PHC3: variants seen among roughly 807,000 people sequenced by gnomAD.
PHC3 encodes the protein polyhomeotic homolog 3, also known as polyhomeotic-like protein 3.
Under a neutral mutation model 107.4 loss-of-function variants are expected in PHC3, and 13 were observed. The observed-to-expected ratio is 0.12, with a 90% CI of 0.08 to 0.19. PHC3 has a LOEUF of 0.19. Among genes scored for constraint, PHC3 ranks in the 10% least tolerant of loss-of-function variants. PHC3 has a pLI of 1.00. For synonymous variants in PHC3, 456 were observed against 427.4 expected, an observed-to-expected ratio of 1.07 and a Z score of -0.83; for missense variants, 992 against 1,210.9, an observed-to-expected ratio of 0.82 and a Z score of 2.68.
chr3:170,177,610 G>A (rs550703972), intron 2 of PHC3, among the ~76,000 whole-genome samples: 10 of 150,702 alleles, frequency 6.6e-5, no homozygotes, highest in Non-Finnish European at 1.2e-4. Flanking sequence ...CAAGTGATCC[G>A]CCAGCCTTGG....
chr3:170,123,856 A>C (rs765522117), intron 8 of PHC3, among the ~76,000 whole-genome samples: 1 of 151,506 alleles, frequency 6.6e-6, no homozygotes, highest in Non-Finnish European at 1.5e-5. Context: ...AACTAGAAAT[A>C]CTTTTTTTTT....
In PHC3 at chr3:170,106,160, C is replaced by A. The variant is rs149253695; in HGVS notation, c.2468+672G>T. 6.4e-4 allele frequency among the ~76,000 whole-genome samples: 98 copies of A among 152,094 alleles called. 1 individual carries two copies. In the East Asian group the frequency reaches 0.018, roughly 28 times the overall value. ...CTGGGTGGTGGAGGATGCAGTGAGC[C>A]GAGACGGCACCACTGCACTCCAGCC... On this transcript the variant is annotated intron_variant, in intron 12 of 14. Transcript: ENST00000495893.
intron 4 of PHC3, among the ~76,000 whole-genome samples, chr3:170,159,020 G>C (rs960748638): frequency 6.6e-5 from 10 of 151,830 alleles, no homozygotes; most frequent in African/African-American, 2.2e-4. Context: ...GGGAGGCCAA[G>C]GCGGGCAGAT....
chr3:170,137,872 T>C (rs773815994), intron 6 of PHC3, among the ~76,000 whole-genome samples: 2 of 152,222 alleles, frequency 1.3e-5, no homozygotes, highest in Non-Finnish European at 1.5e-5. Flanking sequence ...CACTCCAGCC[T>C]GGGCAACAGA....
intron 6 of PHC3, among the ~76,000 whole-genome samples, chr3:170,143,308 A>G (rs1724400079): frequency 6.6e-6 from 1 of 152,214 alleles, no homozygotes; most frequent in South Asian, 2.1e-4. Flanking sequence ...TAAAGTTCTC[A>G]TTTTATAAAT....
intron 5 of PHC3, 150 bp from the exon 6 acceptor site, chr3:170,145,671 A>G (rs1018320794): frequency 2.1e-6 from 1 of 474,276 alleles, no homozygotes; most frequent in Non-Finnish European, 3.8e-6. Flanking sequence ...CATGACAAAG[A>G]GAAGTTTCTG....
At chr3:170,124,533 T>A (rs1179212988) in intron 8 of PHC3, among the ~76,000 whole-genome samples, 5 of 152,232 alleles carry the variant, frequency 3.3e-5, no homozygotes, top group Non-Finnish European at 7.4e-5. Flanking sequence ...CAGCTCATTT[T>A]AAAATGTTTT....
intron 7 of PHC3, among the ~76,000 whole-genome samples, chr3:170,132,094 T>C (rs954232395): frequency 2.0e-5 from 3 of 152,232 alleles, no homozygotes; most frequent in African/African-American, 7.2e-5. Flanking sequence ...AAAAAAATCC[T>C]ATCATGTTGG....
chr3:170,145,376 G>A, intron 6 of PHC3, 47 bp downstream of exon 6: 1 of 1,500,054 alleles, frequency 6.7e-7, no homozygotes, highest in Non-Finnish European at 9.2e-7. Context: ...ACTTTAACCT[G>A]AAGATCCAGA....
chr3:170,128,841 G>A lies in PHC3; in HGVS notation c.1631C>T (p.Ser544Phe). 1 of 1,614,014 alleles carries A rather than the reference G, an allele frequency of 6.2e-7. No individual in the cohort carries two copies. The highest frequency in any genetic ancestry group is 8.5e-7 in the Non-Finnish European group (1 of 1,179,884). ...QSLQVQPEILSQGQVLVQNAL... is the reference protein window; with the variant it reads ...QSLQVQPEILFQGQVLVQNAL... ...ATTCTGCACCAAAACCTGGCCCTGG[G>A]ACAGAATTTCAGGCTGCACTTGTAA... The change falls in exon 8 of 15, where the codon TCC (serine) becomes TTC (phenylalanine). Residue 544 changes from serine to phenylalanine, a missense_variant. Ser to Phe is a radical substitution (Grantham distance 155, BLOSUM62 -2). Transcript: ENST00000495893.
intron 2 of PHC3, 23 bp downstream of exon 2, chr3:170,178,750 A>G: frequency 1.2e-6 from 2 of 1,611,564 alleles, no homozygotes; most frequent in African/African-American, 2.7e-5. Context: ...GTCTTAGACT[A>G]CCCATCACTA....
rs1216726347 is a variant in PHC3 at position 170,091,795 on chromosome 3, C to G, written c.*5435G>C. 1 of 151,658 alleles carries G rather than the reference C, an allele frequency of 6.6e-6. No individual in the cohort carries two copies. The highest frequency in any genetic ancestry group is 2.1e-4 in the South Asian group (1 of 4,796). 9.4% of individuals were successfully genotyped at this position (151,658 alleles called of 1,614,324 possible). A position where few individuals can be genotyped will look rare whatever the true frequency, so the allele number is the denominator to read the frequency against. On this transcript the variant is annotated 3_prime_UTR_variant, in exon 15 of 15. Coordinates refer to ENST00000495893, the MANE Select transcript of PHC3 (RefSeq NM_024947.4). Reference sequence around the variant, plus strand: ...TACAACTTTCAAAAAAAAGCTTTCTCATAGTACAATTTTAAAACGGATTAG... The same window carrying G: ...TACAACTTTCAAAAAAAAGCTTTCTGATAGTACAATTTTAAAACGGATTAG...
rs370897086 is a variant in PHC3, at chr3:170,128,896, G to A, written c.1576C>T (p.Pro526Ser). The stretch of plus-strand genomic sequence containing the variant: ...TGCATAGACTGCAAGGGCAGTGGTG[G>A]AATCTGAGCTGGAGGAGATGTCGAC... ...QMSTSPPAQI[P>S]PLPLQSMQSL... The change falls in exon 8 of 15, where the codon CCA becomes TCA. Residue 526 changes from proline to serine, a missense_variant. Pro to Ser is a moderately conservative substitution (Grantham distance 74). Around this residue, in one of 6 missense-constraint regions of PHC3, gnomAD observed 543 missense variants for 590.8 expected, o/e 0.92. Transcript: ENST00000495893. 6.2e-7 allele frequency: 1 copy of A among 1,614,036 alleles called. No homozygotes were observed. Among genetic ancestry groups the A allele is most frequent in the Non-Finnish European group, 8.5e-7 (1 of 1,179,888 alleles).
chr3:170,142,669 C>T (rs1724296980), intron 6 of PHC3, among the ~76,000 whole-genome samples: 1 of 152,182 alleles, frequency 6.6e-6, no homozygotes. Flanking sequence ...ACGCCTAGCT[C>T]CATGCCACTT....
At chr3:170,156,753 T>C (rs1041567944) in intron 4 of PHC3, among the ~76,000 whole-genome samples, 1 of 151,960 alleles carries the variant, frequency 6.6e-6, no homozygotes, top group Admixed American at 6.6e-5. Context: ...CTTGCTACCA[T>C]GCCTGGCTAA....
At chr3:170,126,908 G>T (rs972322127) in intron 8 of PHC3, among the ~76,000 whole-genome samples, 1 of 151,698 alleles carries the variant, frequency 6.6e-6, no homozygotes, top group African/African-American at 2.4e-5. Context: ...AATATATAAG[G>T]ACTATAAAGA....
chr3:170,178,573 A>G (rs1730896459), intron 2 of PHC3, among the ~76,000 whole-genome samples, 200 bp downstream of exon 2: 1 of 152,216 alleles, frequency 6.6e-6, no homozygotes, highest in African/African-American at 2.4e-5. Context: ...CAGAAATGTA[A>G]GAAATAAGTT....
At chr3:170,174,343 T>C (rs1272829214) in intron 2 of PHC3, among the ~76,000 whole-genome samples, 6 of 152,176 alleles carry the variant, frequency 3.9e-5, no homozygotes, top group Non-Finnish European at 1.5e-5. Context: ...CTTAATTCCT[T>C]AAAAAGTGTT....
At chr3:170,126,973 T>C (rs1034577556) in intron 8 of PHC3, among the ~76,000 whole-genome samples, 3 of 152,128 alleles carry the variant, frequency 2.0e-5, no homozygotes, top group Non-Finnish European at 2.9e-5. Context: ...TTTTCTATTA[T>C]GCCCTGCCTG....
Sources: gnomAD v4.1 joint callset for allele counts (sites outside exome capture counted in the v4.1 genomes callset) on GRCh38, gnomAD v4.1.1 for gene constraint, gnomAD v4.1.1 regional missense constraint, MANE v1.5 for transcripts, NCBI Gene and HGNC (gene_info 2026-07-23, HGNC 2026-07-21) for gene names.